Variants in ERBIN observed in about 807,000 individuals in gnomAD.
ERBIN encodes erbb2 interacting protein, also known as densin-180-like protein.
A neutral mutation model predicts 158.4 loss-of-function variants in ERBIN; 60 were observed. That is an observed-to-expected ratio of 0.38 (90% confidence interval 0.31 to 0.47). The LOEUF (loss-of-function observed/expected upper bound fraction) is 0.47, where lower values mean the gene tolerates loss of function less well. ERBIN is among the 20% of genes least tolerant of loss of function. The pLI is 0.99. For synonymous variants in ERBIN, 594 were observed against 557.2 expected, an observed-to-expected ratio of 1.07 and a Z score of -0.93; for missense variants, 1,610 against 1,648.0, an observed-to-expected ratio of 0.98 and a Z score of 0.40.
At chr5:65,959,869 C>T (rs372201095) in intron 1 of ERBIN, among the ~76,000 whole-genome samples, 38 of 152,300 alleles carry the variant, frequency 2.5e-4, no homozygotes, top group African/African-American at 8.9e-4. Context: ...TGTTAGAATA[C>T]TTTGCCATGA....
At chr5:66,071,851 G>A (rs1474582580) in intron 21 of ERBIN, among the ~76,000 whole-genome samples, 1 of 151,372 alleles carries the variant, frequency 6.6e-6, no homozygotes, top group Non-Finnish European at 1.5e-5. Context: ...GGTATTAAAA[G>A]CTAGGTATTA....
intron 1 of ERBIN, among the ~76,000 whole-genome samples, chr5:65,961,487 T>C (rs1298048602): frequency 6.6e-6 from 1 of 152,218 alleles, no homozygotes; most frequent in African/African-American, 2.4e-5. Context: ...TAAGAGATTG[T>C]AGATCTGTAT....
intron 1 of ERBIN, among the ~76,000 whole-genome samples, chr5:65,936,816 C>T (rs1463712129): frequency 6.6e-6 from 1 of 152,218 alleles, no homozygotes; most frequent in Non-Finnish European, 1.5e-5. Flanking sequence ...ACAATTCCAT[C>T]TCCCAGATAT....
At chr5:65,980,863 G>A (rs1750580055) in intron 1 of ERBIN, among the ~76,000 whole-genome samples, 2 of 152,144 alleles carry the variant, frequency 1.3e-5, no homozygotes. Context: ...ATAGTTAAGA[G>A]ATGCCTATAC....
intron 17 of ERBIN, among the ~76,000 whole-genome samples, chr5:66,044,919 T>A (rs1212393703): frequency 9.6e-5 from 14 of 145,886 alleles, no homozygotes; most frequent in East Asian, 2.0e-4. Context: ...ACAGAAAGTT[T>A]AAAAAAAAAA....
Position 66,075,050 on chromosome 5 carries a change from C to G in ERBIN, c.3783C>G (p.Gly1261=), listed in dbSNP as rs190421066. 6.2e-7 allele frequency: 1 copy of G among 1,613,968 alleles called. No individual in the cohort carries two copies. The highest frequency in any genetic ancestry group is 1.3e-5 in the African/African-American group (1 of 74,886). Residue 1261 remains glycine (G), a synonymous_variant, in exon 23 of 26, where the codon GGC becomes GGG. Coordinates refer to ENST00000284037, the MANE Select transcript of ERBIN (RefSeq NM_001253697.2). The part of the protein sequence containing the change: ...MKMPLSNGQM[G]QPLRPQANYS... Reference sequence around the variant, plus strand: ...TGCCTTTGAGTAATGGACAGATGGGCCAGCCTCTCAGGCCTCAGGCAAATT... The same window carrying G: ...TGCCTTTGAGTAATGGACAGATGGGGCAGCCTCTCAGGCCTCAGGCAAATT...
chr5:65,965,372 G>GTTTT (rs1748449086), intron 1 of ERBIN, among the ~76,000 whole-genome samples: 1 of 113,848 alleles, frequency 8.8e-6, no homozygotes, highest in African/African-American at 3.2e-5. Flanking sequence ...TACCAGATTT[G>GTTTT]TTTTTTGTTG....
chr5:65,958,212 T>C (rs79606047), intron 1 of ERBIN, among the ~76,000 whole-genome samples: 103,868 of 138,294 alleles, frequency 0.75, 37,803 homozygotes, highest in Non-Finnish European at 0.79. Flanking sequence ...ACTTCCCAGA[T>C]GGGGTGGCGG....
At chr5:65,972,699 A>G (rs769529707) in intron 1 of ERBIN, among the ~76,000 whole-genome samples, 4 of 151,526 alleles carry the variant, frequency 2.6e-5, no homozygotes, top group Non-Finnish European at 5.9e-5. Flanking sequence ...TATTCCTAAA[A>G]TAGATCTGAA....
intron 1 of ERBIN, among the ~76,000 whole-genome samples, chr5:65,955,583 T>C (rs1272670869): frequency 6.6e-6 from 1 of 152,200 alleles, no homozygotes; most frequent in Non-Finnish European, 1.5e-5. Flanking sequence ...TGAGCCAAGA[T>C]TGTGCCACTG....
intron 1 of ERBIN, among the ~76,000 whole-genome samples, chr5:65,969,554 G>C (rs1373806290): frequency 6.6e-6 from 1 of 152,202 alleles, no homozygotes; most frequent in East Asian, 1.9e-4. Flanking sequence ...ATGTAAAGCA[G>C]TATTATTTCC....
intron 1 of ERBIN, among the ~76,000 whole-genome samples, chr5:65,955,209 A>AG (rs759536587): frequency 2.9e-4 from 44 of 152,310 alleles, no homozygotes; most frequent in Non-Finnish European, 5.3e-4. Flanking sequence ...GCTAGCACAT[A>AG]GGGGGGCCAA....
chr5:65,956,372 ATTTTTTT>A (rs1200098319), intron 1 of ERBIN, among the ~76,000 whole-genome samples: 9 of 121,610 alleles, frequency 7.4e-5, no homozygotes, highest in African/African-American at 2.8e-4. Context: ...CTTTCAGGTG[ATTTTTTT>A]TTTTTTTTTT....
chr5:66,027,978 A>G (rs1236883721), intron 13 of ERBIN, among the ~76,000 whole-genome samples: 1 of 152,078 alleles, frequency 6.6e-6, no homozygotes, highest in Non-Finnish European at 1.5e-5. Flanking sequence ...TCTTTTCTCT[A>G]AGGCAGGGAC....
In ERBIN at chr5:66,081,026, TGGA is replaced by T. The variant is rs1308132376; in HGVS notation, c.*2498_*2500del. ...AAAATAATTAAATTTTTTGAGGAAG[TGGA>T]GAAGACATTTTTAGTTTATATATTG... is the stretch of plus-strand genomic sequence containing the variant. On this transcript the variant is annotated 3_prime_UTR_variant, in exon 26 of 26. Transcript: ENST00000284037. 1 of 151,938 alleles carries T rather than the reference TGGA, an allele frequency of 6.6e-6. No homozygotes were observed. Among genetic ancestry groups the T allele is most frequent in the Non-Finnish European group, 1.5e-5 (1 of 67,862 alleles). The allele number at this position is 151,938 out of a possible 1,614,324, so 9.4% of individuals were successfully genotyped here.
rs1561380406 is a variant in ERBIN, at chr5:66,018,487, T to TTATAATATATAATATATAATATATAATA, written c.534-2831_534-2830insATATATAATATATAATATATAATATATA. Among the ~76,000 whole-genome samples, 12 of 6,586 alleles carry TTATAATATATAATATATAATATATAATA rather than the reference T, an allele frequency of 1.8e-3. 2 individuals are homozygous for TTATAATATATAATATATAATATATAATA. The highest frequency in any genetic ancestry group is 3.0e-3 in the Non-Finnish European group (11 of 3,674). The allele number at this position is 6,586 out of a possible 152,430, so 4.3% of individuals were successfully genotyped here. ...TATAATATATATTATATATTATATA[T>TTATAATATATAATATATAATATATAATA]TATATTATATAATATATATTATATA... On this transcript the variant is annotated intron_variant, in intron 7 of 25. Coordinates refer to ENST00000284037, the MANE Select transcript of ERBIN (RefSeq NM_001253697.2).
chr5:66,028,302 A>G lies in ERBIN; in HGVS notation c.1165A>G (p.Lys389Glu). 2 of 1,612,508 alleles carry G rather than the reference A, an allele frequency of 1.2e-6. No homozygotes were observed. Among genetic ancestry groups the G allele is most frequent in the Non-Finnish European group, 1.7e-6 (2 of 1,179,088 alleles). The part of the protein sequence containing the change: ...RLKNLPFSFT[K>E]LQQLTAMWLS... ...AAAGAATTTACCCTTTAGCTTTACA[A>G]AGCTACAGCAATTGACAGCTATGTG... Residue 389 changes from lysine (K) to glutamate (E), a missense_variant, in exon 14 of 26, where the codon AAG (lysine) becomes GAG (glutamate). Lys to Glu is a moderately conservative substitution (Grantham distance 56). This residue lies in a region of ERBIN where 596 missense variants were observed against 711.9 expected (regional missense o/e 0.84). Coordinates refer to ENST00000284037, the MANE Select transcript of ERBIN (RefSeq NM_001253697.2).
At chr5:66,007,788 A>G (rs557983645) in intron 4 of ERBIN, among the ~76,000 whole-genome samples, 1 of 152,338 alleles carries the variant, frequency 6.6e-6, no homozygotes, top group Admixed American at 6.5e-5. Flanking sequence ...GAAGATAGGT[A>G]ATTTCAGCTT....
chr5:65,997,569 AAAAG>A (rs1431722433), intron 4 of ERBIN, among the ~76,000 whole-genome samples: 1 of 152,218 alleles, frequency 6.6e-6, no homozygotes, highest in East Asian at 1.9e-4. Context: ...ATAATTACAA[AAAAG>A]AAAGAATCAC....
Sources: gnomAD v4.1 joint callset for allele counts (sites outside exome capture counted in the v4.1 genomes callset) on GRCh38, gnomAD v4.1.1 for gene constraint, gnomAD v4.1.1 regional missense constraint, MANE v1.5 for transcripts, NCBI Gene and HGNC (gene_info 2026-07-23, HGNC 2026-07-21) for gene names.